The following CLMN variants were observed in gnomAD, a reference collection of about 807,000 sequenced individuals.
CLMN encodes the protein calmin, also known as calmin (calponin-like, transmembrane).
A neutral mutation model predicts 92.7 loss-of-function variants in CLMN; 57 were observed. The ratio of observed to expected loss-of-function variants is 0.61; its 90% CI spans 0.50 to 0.77. The LOEUF (loss-of-function observed/expected upper bound fraction) is 0.77, where lower values mean the gene tolerates loss of function less well. Ranked by LOEUF, CLMN falls within the 30% of genes least tolerant of loss-of-function variation. The probability of loss-of-function intolerance (pLI) is 0.00; values close to 1 mark genes in which losing one functional copy is unlikely to be tolerated. For missense variants in CLMN, 1,158 were observed against 1,237.5 expected (o/e 0.94, Z 0.96); for synonymous variants, 466 against 470.6 (o/e 0.99, Z 0.13).
chr14:95,266,840 A>G (rs954417838), intron 1 of CLMN, among the ~76,000 whole-genome samples: 12 of 152,238 alleles, frequency 7.9e-5, no homozygotes, highest in Non-Finnish European at 1.2e-4. Context: ...GCATAAAAAA[A>G]GACACAAAGA....
At chr14:95,274,769 A>G (rs1374814317) in intron 1 of CLMN, among the ~76,000 whole-genome samples, 1 of 152,198 alleles carries the variant, frequency 6.6e-6, no homozygotes, top group African/African-American at 2.4e-5. Context: ...TCACCAGGTC[A>G]AGAGATCAAG....
intron 4 of CLMN, among the ~76,000 whole-genome samples, chr14:95,218,666 C>T (rs947215605): frequency 7.9e-5 from 12 of 152,212 alleles, no homozygotes; most frequent in African/African-American, 1.4e-4. Flanking sequence ...CTGAAACGCT[C>T]GTTTCCACCT....
intron 1 of CLMN, among the ~76,000 whole-genome samples, chr14:95,252,509 A>G (rs1021705349): frequency 5.9e-5 from 9 of 152,198 alleles, no homozygotes; most frequent in Admixed American, 5.9e-4. Context: ...GCTGAGAGAC[A>G]TCTGGTCTGC....
chr14:95,254,464 A>G (rs2140684992), intron 1 of CLMN, among the ~76,000 whole-genome samples: 1 of 152,330 alleles, frequency 6.6e-6, no homozygotes, highest in African/African-American at 2.4e-5. Flanking sequence ...GCTGACGAGC[A>G]GAGTGGAGCT....
intron 3 of CLMN, chr14:95,222,397 A>G (rs1272297945): frequency 5.9e-6 from 2 of 338,268 alleles, no homozygotes; most frequent in South Asian, 4.6e-5. Flanking sequence ...ATCACAGCCA[A>G]CTCACCCTGA....
At chr14:95,205,585 A>C (rs1272769390) in intron 8 of CLMN, among the ~76,000 whole-genome samples, 1 of 152,264 alleles carries the variant, frequency 6.6e-6, no homozygotes, top group East Asian at 1.9e-4. Flanking sequence ...ATTTAAAGCA[A>C]AAATAACAAG....
At chr14:95,263,839 C>A (rs967664708) in intron 1 of CLMN, among the ~76,000 whole-genome samples, 1 of 152,116 alleles carries the variant, frequency 6.6e-6, no homozygotes, top group African/African-American at 2.4e-5. Flanking sequence ...TGAGTTAGTG[C>A]CTGTGAAGAA....
chr14:95,295,414 C>G (rs1306643532), intron 1 of CLMN, among the ~76,000 whole-genome samples: 1 of 152,208 alleles, frequency 6.6e-6, no homozygotes, highest in Non-Finnish European at 1.5e-5. Context: ...GACGCAGGCT[C>G]TCCCTGGGGG....
chr14:95,297,897 T>C (rs1030368066), intron 1 of CLMN, among the ~76,000 whole-genome samples: 6 of 152,138 alleles, frequency 3.9e-5, no homozygotes, highest in African/African-American at 1.4e-4. Context: ...GTTTTGTGTG[T>C]GGATATGCTT....
chr14:95,309,305 G>A (rs1190042625), intron 1 of CLMN, among the ~76,000 whole-genome samples: 1 of 152,138 alleles, frequency 6.6e-6, no homozygotes, highest in African/African-American at 2.4e-5. Context: ...ACATCAAGTA[G>A]AAGATTGTTT....
chr14:95,272,174 T>C (rs999267834), intron 1 of CLMN, among the ~76,000 whole-genome samples: 2 of 152,148 alleles, frequency 1.3e-5, no homozygotes, highest in African/African-American at 2.4e-5. Context: ...AGCCTACTGG[T>C]GGCAAAACCG....
intron 2 of CLMN, among the ~76,000 whole-genome samples, chr14:95,226,838 C>G (rs1897726876): frequency 6.6e-6 from 1 of 152,182 alleles, no homozygotes; most frequent in Non-Finnish European, 1.5e-5. Flanking sequence ...CTTGGCCTCC[C>G]AAAGGGCTGG....
In CLMN at chr14:95,191,764, C is replaced by T. The variant is rs752012006; in HGVS notation, c.2841-32G>A. The stretch of plus-strand genomic sequence containing the variant: ...AAGAAACACAGAGGAAACGCAGTTA[C>T]CAAGCAGGTTCCCAGGAAAGTGGAC... On this transcript the variant is annotated intron_variant, in intron 12 of 12. Coordinates refer to ENST00000298912, the MANE Select transcript of CLMN (RefSeq NM_024734.4). This position sits in a 1 kb window ranked among gnomAD's most constrained non-coding sequence, Gnocchi z 5.3. 2 of 1,574,888 alleles carry T rather than the reference C, an allele frequency of 1.3e-6. No individual in the cohort carries two copies. Among genetic ancestry groups the T allele is most frequent in the Non-Finnish European group, 8.6e-7 (1 of 1,164,586 alleles).
intron 1 of CLMN, among the ~76,000 whole-genome samples, chr14:95,287,408 T>C (rs1351018050): frequency 1.3e-5 from 2 of 152,206 alleles, no homozygotes; most frequent in African/African-American, 4.8e-5. Context: ...TGGCGCGATG[T>C]TCAGGCATCT....
chr14:95,260,464 C>T (rs1458892172), intron 1 of CLMN: 2 of 151,900 alleles, frequency 1.3e-5, no homozygotes, highest in African/African-American at 4.8e-5. Context: ...AGAATGGATC[C>T]AACAAACAAA....
At chr14:95,254,245 C>A (rs966356480) in intron 1 of CLMN, among the ~76,000 whole-genome samples, 1 of 152,158 alleles carries the variant, frequency 6.6e-6, no homozygotes. Context: ...GCCAAGGCCA[C>A]CCCCCAAGGT....
chr14:95,218,150 G>A (rs1260306183), intron 4 of CLMN, among the ~76,000 whole-genome samples: 6 of 152,192 alleles, frequency 3.9e-5, no homozygotes, highest in Non-Finnish European at 5.9e-5. Flanking sequence ...GAAATATTCC[G>A]TCTCCCTCTG....
chr14:95,245,810 G>A (rs1898542982), intron 1 of CLMN, among the ~76,000 whole-genome samples: 1 of 150,450 alleles, frequency 6.6e-6, no homozygotes, highest in Admixed American at 6.6e-5. Flanking sequence ...ATGGATGGAT[G>A]GATGGACGGA....
At chr14:95,229,904 T>A (rs1466796377) in intron 2 of CLMN, among the ~76,000 whole-genome samples, 168 bp downstream of exon 2, 2 of 152,096 alleles carry the variant, frequency 1.3e-5, no homozygotes, top group Non-Finnish European at 2.9e-5. Flanking sequence ...CTCAGTCATC[T>A]CTTCCCAATC....
Sources: allele counts gnomAD v4.1 joint callset (sites outside exome capture counted in the v4.1 genomes callset), GRCh38; gene constraint gnomAD v4.1.1; non-coding constraint Gnocchi (gnomAD v3.1); transcripts MANE v1.5; gene names NCBI Gene and HGNC (gene_info 2026-07-23, HGNC 2026-07-21).